Variants in CNOT6L observed in about 807,000 individuals in gnomAD.
CNOT6L encodes the protein CCR4-NOT transcription complex subunit 6-like.
Under a neutral mutation model 64.0 loss-of-function variants are expected in CNOT6L, and 7 were observed. The ratio of observed to expected loss-of-function variants is 0.11; its 90% CI spans 0.06 to 0.21. The LOEUF is 0.21. CNOT6L is among the 10% of genes least tolerant of loss of function. The probability of loss-of-function intolerance (pLI) is 1.00; values close to 1 mark genes in which losing one functional copy is unlikely to be tolerated. For synonymous variants in CNOT6L, 193 were observed against 243.4 expected, an observed-to-expected ratio of 0.79 and a Z score of 1.93; for missense variants, 245 against 669.0, an observed-to-expected ratio of 0.37 and a Z score of 6.99.
intron 7 of CNOT6L, among the ~76,000 whole-genome samples, chr4:77,743,586 C>CTTTTTTTTTTTTTTTTTTTTTTTTT (rs142888128): frequency 1.4e-5 from 1 of 70,870 alleles, no homozygotes; most frequent in African/African-American, 6.8e-5. Flanking sequence ...TAACACACAA[C>CTTTTTTTTTTTTTTTTTTTTTTTTT]TTTTTTTTTT....
rs1365654972 is a variant in CNOT6L at position 77,714,920 on chromosome 4, A to ATTGT, written c.*5507_*5510dup. On this transcript the variant is annotated 3_prime_UTR_variant, in exon 12 of 12. Coordinates refer to ENST00000504123, the MANE Select transcript of CNOT6L (RefSeq NM_144571.3). ...AGTCTGTTTGGTAAGAAGCAAAGCC[A>ATTGT]TTGTTTGACATCAATGCTGAACCAA... The ATTGT allele has an allele frequency of 6.6e-6, 1 of 152,610 alleles. No homozygotes were observed. Among genetic ancestry groups the ATTGT allele is most frequent in the African/African-American group, 2.4e-5 (1 of 41,452 alleles). The allele number at this position is 152,610 out of a possible 1,614,324, so 9.5% of individuals were successfully genotyped here.
intron 1 of CNOT6L, among the ~76,000 whole-genome samples, chr4:77,796,065 C>T (rs1730806226): frequency 6.6e-6 from 1 of 151,858 alleles, no homozygotes; most frequent in South Asian, 2.1e-4. Context: ...GGGTATATTG[C>T]ATGATGCTGG....
intron 4 of CNOT6L, among the ~76,000 whole-genome samples, chr4:77,770,771 T>G (rs1362742468): frequency 1.3e-5 from 2 of 152,174 alleles, no homozygotes; most frequent in African/African-American, 2.4e-5. Flanking sequence ...CGTAAATCAG[T>G]AGACAAAATG....
intron 8 of CNOT6L, among the ~76,000 whole-genome samples, chr4:77,734,708 C>T (rs1253655937): frequency 3.9e-5 from 6 of 151,988 alleles, no homozygotes; most frequent in Non-Finnish European, 7.4e-5. Flanking sequence ...TCTGAAACTT[C>T]ATTCTATTTA....
intron 4 of CNOT6L, among the ~76,000 whole-genome samples, chr4:77,764,041 A>G (rs1195867151): frequency 1.3e-5 from 2 of 152,222 alleles, no homozygotes; most frequent in African/African-American, 2.4e-5. Flanking sequence ...TCTATAATCC[A>G]GTATAGGTAC....
intron 5 of CNOT6L, among the ~76,000 whole-genome samples, chr4:77,755,108 C>A (rs1392788090): frequency 6.7e-6 from 1 of 149,638 alleles, no homozygotes; most frequent in African/African-American, 2.5e-5. Flanking sequence ...CACATATTTG[C>A]AACATATTAC....
chr4:77,735,012 A>G (rs1267939476), intron 8 of CNOT6L, among the ~76,000 whole-genome samples: 1 of 152,184 alleles, frequency 6.6e-6, no homozygotes, highest in Non-Finnish European at 1.5e-5. Context: ...ATGGAGATAT[A>G]CTGCTCAGAT....
intron 1 of CNOT6L, among the ~76,000 whole-genome samples, chr4:77,782,346 G>A (rs1460770555): frequency 6.6e-6 from 1 of 151,840 alleles, no homozygotes; most frequent in Non-Finnish European, 1.5e-5. Context: ...TGTTGTTGTT[G>A]TTTTTAGACA....
At chr4:77,818,798 G>A (rs1411631830) in intron 1 of CNOT6L, among the ~76,000 whole-genome samples, 1 of 151,926 alleles carries the variant, frequency 6.6e-6, no homozygotes, top group South Asian at 2.1e-4. Flanking sequence ...GGAGGTGGGC[G>A]GGCGCCCAGG....
chr4:77,731,260 C>T, intron 9 of CNOT6L, 127 bp downstream of exon 9: 1 of 788,772 alleles, frequency 1.3e-6, no homozygotes, highest in Non-Finnish European at 2.0e-6. Context: ...CTGCCCATCT[C>T]CCTTAACTTT....
intron 1 of CNOT6L, among the ~76,000 whole-genome samples, chr4:77,802,246 T>A (rs952508464): frequency 6.6e-6 from 1 of 152,210 alleles, no homozygotes; most frequent in Non-Finnish European, 1.5e-5. Flanking sequence ...ATACTGTATG[T>A]CAGCATTGAT....
intron 4 of CNOT6L, among the ~76,000 whole-genome samples, chr4:77,766,740 GA>G (rs111326264): frequency 3.3e-4 from 45 of 136,872 alleles, no homozygotes; most frequent in African/African-American, 3.7e-4. Context: ...CAAGAAAAGA[GA>G]AAAAAAAAAA....
At chr4:77,817,861 C>A (rs1293425620) in intron 1 of CNOT6L, among the ~76,000 whole-genome samples, 1 of 152,260 alleles carries the variant, frequency 6.6e-6, no homozygotes, top group Non-Finnish European at 1.5e-5. Flanking sequence ...CTTTTATCCA[C>A]AGCACGGTTC....
chr4:77,782,311 T>G (rs748228561), intron 1 of CNOT6L, among the ~76,000 whole-genome samples: 3 of 152,106 alleles, frequency 2.0e-5, no homozygotes, highest in Non-Finnish European at 4.4e-5. Flanking sequence ...TTTTGAAGTT[T>G]CTATTTCCTT....
intron 1 of CNOT6L, among the ~76,000 whole-genome samples, chr4:77,805,736 A>C (rs1236847571): frequency 6.6e-6 from 1 of 152,076 alleles, no homozygotes; most frequent in Non-Finnish European, 1.5e-5. Flanking sequence ...ACTTTATTTC[A>C]CTCATTTAAA....
Position 77,716,515 on chromosome 4 carries a change from C to T in CNOT6L, c.*3916G>A, listed in dbSNP as rs1017054975. ...AGATGGCATTAGTGATTTTTAGAAA[C>T]GCTTGGAAATGCAAATATAAACTTA... On this transcript the variant is annotated 3_prime_UTR_variant, in exon 12 of 12. Coordinates refer to ENST00000504123, the MANE Select transcript of CNOT6L (RefSeq NM_144571.3). The T allele has an allele frequency of 3.9e-5, 6 of 152,042 alleles. No individual in the cohort carries two copies. Among genetic ancestry groups the T allele is most frequent in the African/African-American group, 4.8e-5 (2 of 41,422 alleles). The allele number at this position is 152,042 out of a possible 1,614,324, so 9.4% of individuals were successfully genotyped here. A position where few individuals can be genotyped will look rare whatever the true frequency, so the allele number is the denominator to read the frequency against.
chr4:77,724,217 G>C (rs1272714329), intron 11 of CNOT6L, among the ~76,000 whole-genome samples: 1 of 151,970 alleles, frequency 6.6e-6, no homozygotes, highest in African/African-American at 2.4e-5. Flanking sequence ...AGGCATGGTG[G>C]CACACACCTG....
chr4:77,768,122 A>C (rs561054750), intron 4 of CNOT6L, among the ~76,000 whole-genome samples: 6 of 152,242 alleles, frequency 3.9e-5, no homozygotes, highest in African/African-American at 7.2e-5. Context: ...AACAACACAC[A>C]AATGTACTAA....
intron 3 of CNOT6L, among the ~76,000 whole-genome samples, chr4:77,773,808 T>C (rs1481907636): frequency 2.6e-5 from 4 of 152,022 alleles, no homozygotes; most frequent in African/African-American, 4.8e-5. Context: ...AAATAAAGCA[T>C]AGATAGTACA....
Sources: allele counts gnomAD v4.1 joint callset (sites outside exome capture counted in the v4.1 genomes callset), GRCh38; gene constraint gnomAD v4.1.1; transcripts MANE v1.5; gene names NCBI Gene and HGNC (gene_info 2026-07-23, HGNC 2026-07-21).